NBPF8: variants seen among roughly 807,000 people sequenced by gnomAD.
NBPF8 encodes NBPF family member NBPF8.
At chr1:120,431,360 AT>A (rs1660871899), upstream of NBPF8, among the ~76,000 whole-genome samples, 1 of 5,548 alleles carries the variant, frequency 1.8e-4, no homozygotes, top group Non-Finnish European at 3.5e-4. Flanking sequence ...CAAATAGGGA[AT>A]ATATATATAT....
downstream of NBPF8, among the ~76,000 whole-genome samples, chr1:120,467,947 T>TGA (rs1194325947): frequency 2.1e-5 from 3 of 145,560 alleles, no homozygotes; most frequent in Admixed American, 2.1e-4. Context: ...TTCGTGAGTG[T>TGA]GAGAGTGTGT....
At chr1:120,426,619 AACATGAAAAATGTCATGTAGACCAC>A in intron 2 of NBPF8, among the ~76,000 whole-genome samples, 1 of 143,356 alleles carries the variant, frequency 7.0e-6, no homozygotes. Context: ...GCATTAGTTC[AACATGAAAAATGTCATGTAGACCAC>A]ATCAGATCAA....
chr1:120,421,628 A>G (rs1298927667), intron 1 of NBPF8, among the ~76,000 whole-genome samples: 2 of 132,314 alleles, frequency 1.5e-5, no homozygotes, highest in Non-Finnish European at 3.3e-5. Flanking sequence ...TTTTTGTTCT[A>G]CTTTTTTAAA....
upstream of NBPF8, chr1:120,433,266 G>T (rs1234763069): frequency 1.3e-5 from 2 of 152,246 alleles, no homozygotes; most frequent in Non-Finnish European, 2.9e-5. Flanking sequence ...TAAGTTGGAG[G>T]ACTTACTCTG....
At chr1:120,435,584 C>T (rs1325403633), upstream of NBPF8, among the ~76,000 whole-genome samples, 1 of 145,666 alleles carries the variant, frequency 6.9e-6, no homozygotes, top group African/African-American at 2.6e-5. Flanking sequence ...TGGCTCACGC[C>T]TGTAATCCCA....
intron 16 of NBPF8, among the ~76,000 whole-genome samples, chr1:120,455,863 G>C (rs1201857966): frequency 6.6e-6 from 1 of 151,756 alleles, no homozygotes; most frequent in African/African-American, 2.4e-5. Context: ...GTGATGTTAG[G>C]GTGTCAATTT....
intron 15 of NBPF8, 69 bp downstream of exon 13, chr1:120,454,183 T>G: frequency 1.4e-6 from 2 of 1,477,722 alleles, no homozygotes; most frequent in Non-Finnish European, 1.9e-6. Flanking sequence ...GAAGACAGGC[T>G]CTATAAACAC....
chr1:120,456,084 T>A (rs1478215074), intron 16 of NBPF8, among the ~76,000 whole-genome samples: 1 of 152,058 alleles, frequency 6.6e-6, no homozygotes, highest in East Asian at 1.9e-4. Flanking sequence ...CGGTTTTGAG[T>A]GAGTTTCTTA....
intron 11 of NBPF8, among the ~76,000 whole-genome samples, chr1:120,450,516 C>G (rs1446269290): frequency 6.6e-6 from 1 of 152,144 alleles, no homozygotes; most frequent in African/African-American, 2.4e-5. Context: ...ATTACATGAG[C>G]TATTTCTTGT....
intron 1 of NBPF8, among the ~76,000 whole-genome samples, chr1:120,420,979 CAGTGAGA>C (rs1660558518): frequency 6.9e-6 from 1 of 144,372 alleles, no homozygotes; most frequent in South Asian, 2.2e-4. Flanking sequence ...GAGGGAAGTC[CAGTGAGA>C]ATGACAAATG....
intron 11 of NBPF8, among the ~76,000 whole-genome samples, chr1:120,449,612 G>A (rs1556606435): frequency 6.6e-6 from 1 of 151,794 alleles, no homozygotes; most frequent in African/African-American, 2.4e-5. Flanking sequence ...GGTGGGGGTG[G>A]GACTAGAGTT....
chr1:120,435,956 C>T (rs1661062446), upstream of NBPF8, among the ~76,000 whole-genome samples: 1 of 151,682 alleles, frequency 6.6e-6, no homozygotes, highest in South Asian at 2.1e-4. Context: ...AAAATATAAC[C>T]TGTTGGGAAA....
At chr1:120,460,948 A>G (rs1661568163) in intron 18 of NBPF8, among the ~76,000 whole-genome samples, 1 of 151,584 alleles carries the variant, frequency 6.6e-6, no homozygotes, top group Non-Finnish European at 1.5e-5. Context: ...GTGTCCTGAG[A>G]GCACAAATAC....
At chr1:120,425,893 A>AT (rs1224750325) in intron 2 of NBPF8, among the ~76,000 whole-genome samples, 5,640 of 115,544 alleles carry the variant, frequency 0.049, 132 homozygotes, top group Non-Finnish European at 0.071. Flanking sequence ...TGGTTGATTG[A>AT]TTTTTTTCTC....
Position 120,465,837 on chromosome 1 carries a change from A to C in NBPF8, n.3569-141A>C, listed in dbSNP as rs1307578715. ...CCTGGCCCTGTTCTATCCCAACATA[A>C]AGGCAATAATTTGTTACCTCATTAA... On this transcript the variant is annotated intron_variant and non_coding_transcript_variant, in intron 24 of 24. Transcript: ENST00000583271. 5 of 1,563,454 alleles carry C rather than the reference A, an allele frequency of 3.2e-6. No individual in the cohort carries two copies. The East Asian group carries it at 1.1e-4, about 35-fold the overall frequency.
At chr1:120,425,637 TTGTCTC>T (rs1339902118) in intron 1 of NBPF8, among the ~76,000 whole-genome samples, 1 of 152,096 alleles carries the variant, frequency 6.6e-6, no homozygotes, top group Non-Finnish European at 1.5e-5. Flanking sequence ...TCTCTGTACT[TTGTCTC>T]TGTGTCTCTT....
At chr1:120,466,082 T>G (rs1661740246) in exon 25 of NBPF8, 10 of 1,611,816 alleles carry the variant, frequency 6.2e-6, no homozygotes, top group South Asian at 2.2e-5. Flanking sequence ...CGTGACTCAT[T>G]CCAGCACTAC....
chr1:120,431,593 T>C (rs1368016067), upstream of NBPF8, among the ~76,000 whole-genome samples: 1 of 151,192 alleles, frequency 6.6e-6, no homozygotes, highest in Admixed American at 6.6e-5. Flanking sequence ...CCACTACATA[T>C]CCATAAGAAT....
intron 24 of NBPF8, among the ~76,000 whole-genome samples, 177 bp from the exon 23 acceptor site, chr1:120,465,801 A>T (rs1661727103): frequency 6.6e-6 from 1 of 151,886 alleles, no homozygotes; most frequent in African/African-American, 2.4e-5. Context: ...TTTCTCTTTC[A>T]TTGTTTTCTA....
Sources: gnomAD v4.1 joint callset for allele counts (sites outside exome capture counted in the v4.1 genomes callset) on GRCh38, gnomAD v4.1.1 for gene constraint, MANE v1.5 for transcripts, NCBI Gene and HGNC (gene_info 2026-07-23, HGNC 2026-07-21) for gene names.